CDKL3: variants seen among roughly 807,000 people sequenced by gnomAD.
CDKL3 encodes cyclin-dependent kinase-like 3.
Under a neutral mutation model 69.3 loss-of-function variants are expected in CDKL3, and 65 were observed. The ratio of observed to expected loss-of-function variants is 0.94; its 90% CI spans 0.77 to 1.15. The LOEUF is 1.15. Ranked by LOEUF, CDKL3 falls within the 50% of genes most tolerant of loss-of-function variation. The pLI, the probability that CDKL3 is intolerant of heterozygous loss-of-function variation, is 0.00. For synonymous variants in CDKL3, 202 were observed against 221.6 expected (o/e 0.91, Z 0.79); for missense variants, 652 against 689.2 (o/e 0.95, Z 0.61).
chr5:134,371,559 T>G, upstream of CDKL3: 1 of 1,608,296 alleles, frequency 6.2e-7, no homozygotes, highest in Non-Finnish European at 8.5e-7. Flanking sequence ...CGCGGGACTT[T>G]TTTTTTTTCA....
chr5:134,324,864 T>C (rs1773733833), intron 4 of CDKL3, among the ~76,000 whole-genome samples: 1 of 152,220 alleles, frequency 6.6e-6, no homozygotes, highest in African/African-American at 2.4e-5. Flanking sequence ...TCAATATTGG[T>C]ACATCAATTG....
intron 2 of CDKL3, among the ~76,000 whole-genome samples, chr5:134,365,994 T>C (rs1270073013): frequency 6.6e-6 from 1 of 152,224 alleles, no homozygotes; most frequent in Non-Finnish European, 1.5e-5. Context: ...TTATTCAGTA[T>C]GATTTTCATA....
intron 5 of CDKL3, among the ~76,000 whole-genome samples, chr5:134,321,395 GTAAA>G (rs1772751967): frequency 6.6e-6 from 1 of 152,110 alleles, no homozygotes; most frequent in Non-Finnish European, 1.5e-5. Flanking sequence ...TGGTTTCTGA[GTAAA>G]TAATTACTTT....
chr5:134,302,571 T>C lies in CDKL3; in HGVS notation c.1719+19A>G, dbSNP rs182579995. On this transcript the variant is annotated intron_variant, in intron 12 of 12. Coordinates refer to ENST00000265334, the MANE Select transcript of CDKL3 (RefSeq NM_001113575.2). ...CTAAACAACATGCCTTAGTAAAAGC[T>C]ATATACAAAAAGAGTTACCTCTTGT... is the stretch of plus-strand genomic sequence containing the variant. The C allele has an allele frequency of 1.9e-5, 24 of 1,272,232 alleles. No individual in the cohort carries two copies. Among genetic ancestry groups the C allele is most frequent in the Non-Finnish European group, 2.7e-5 (24 of 880,972 alleles). 78.8% of individuals were successfully genotyped at this position (1,272,232 alleles called of 1,614,324 possible). A position where few individuals can be genotyped will look rare whatever the true frequency, so the allele number is the denominator to read the frequency against.
At chr5:134,319,079 G>T in intron 6 of CDKL3, 1 of 216,804 alleles carries the variant, frequency 4.6e-6, no homozygotes, top group Non-Finnish European at 9.0e-6. Context: ...CCAGCACTTT[G>T]GGAGGCCGAG....
intron 7 of CDKL3, among the ~76,000 whole-genome samples, chr5:134,310,998 A>G (rs1323247949): frequency 1.3e-5 from 2 of 152,236 alleles, no homozygotes; most frequent in Non-Finnish European, 2.9e-5. Flanking sequence ...AGACAAGCTG[A>G]ATGGTTTTAC....
intron 4 of CDKL3, among the ~76,000 whole-genome samples, chr5:134,340,797 T>A (rs1384138751): frequency 6.6e-6 from 1 of 152,178 alleles, no homozygotes; most frequent in Admixed American, 6.5e-5. Context: ...GAAGAATTAA[T>A]ACCAAGTCTT....
chr5:134,350,801 G>GGGA (rs1249750633), intron 3 of CDKL3, among the ~76,000 whole-genome samples: 7 of 138,916 alleles, frequency 5.0e-5, no homozygotes, highest in Non-Finnish European at 7.6e-5. Flanking sequence ...GTAACAGAGT[G>GGGA]AGACCCTGTC....
chr5:134,371,119 G>A (rs1758357806), upstream of CDKL3: 2 of 230,816 alleles, frequency 8.7e-6, no homozygotes, highest in Non-Finnish European at 1.7e-5. Context: ...ACAAGGCCGC[G>A]GGCAGTCACG....
At chr5:134,329,628 C>G (rs1327941450) in intron 4 of CDKL3, among the ~76,000 whole-genome samples, 1 of 151,640 alleles carries the variant, frequency 6.6e-6, no homozygotes, top group African/African-American at 2.4e-5. Context: ...CGCCACTACG[C>G]CCGGCTAATT....
intron 7 of CDKL3, among the ~76,000 whole-genome samples, chr5:134,311,877 C>T (rs1769620601): frequency 6.6e-6 from 1 of 152,188 alleles, no homozygotes; most frequent in African/African-American, 2.4e-5. Context: ...TCACTGCAAC[C>T]TCCACCTCTG....
At chr5:134,367,670 G>A (rs369609271), upstream of CDKL3, among the ~76,000 whole-genome samples, 167 of 152,220 alleles carry the variant, frequency 1.1e-3, no homozygotes, top group East Asian at 4.4e-3. Flanking sequence ...CACCGCCCCC[G>A]GTCAAGATGG....
At chr5:134,302,444 GA>G (rs1766582661) in intron 12 of CDKL3, 145 bp downstream of exon 12, 1 of 598,142 alleles carries the variant, frequency 1.7e-6, no homozygotes, top group Non-Finnish European at 2.9e-6. Flanking sequence ...GTTATTCTAG[GA>G]AAATATAGAT....
At chr5:134,304,334 G>A (rs1767167412) in intron 11 of CDKL3, 71 bp downstream of exon 11, 1 of 1,227,762 alleles carries the variant, frequency 8.1e-7, no homozygotes, top group Non-Finnish European at 1.1e-6. Flanking sequence ...ACTATAAAAT[G>A]TAAGTTATAT....
In CDKL3 at chr5:134,321,790, C is replaced by A. The variant is rs1201433845; in HGVS notation, c.652+1G>T. On this transcript the variant is annotated splice_donor_variant, in intron 5 of 12. Coordinates refer to ENST00000265334, the MANE Select transcript of CDKL3 (RefSeq NM_001113575.2). LOFTEE classifies it high-confidence loss of function. ...ACTCATGTTATTTCAGTAATACCTACCCACTTTCAAAACAATTTTATGGAG... is the reference window on the plus strand; with the variant it reads ...ACTCATGTTATTTCAGTAATACCTAACCACTTTCAAAACAATTTTATGGAG... 6.8e-7 allele frequency: 1 copy of A among 1,475,708 alleles called. No individual in the cohort carries two copies. The highest frequency in any genetic ancestry group is 9.5e-7 in the Non-Finnish European group (1 of 1,057,082). The allele number at this position is 1,475,708 out of a possible 1,614,324, so 91.4% of individuals were successfully genotyped here.
chr5:134,360,208 C>G, intron 2 of CDKL3, 117 bp from the exon 3 acceptor site: 1 of 757,018 alleles, frequency 1.3e-6, no homozygotes, highest in South Asian at 2.0e-5. Context: ...CCATGCATTT[C>G]TTTTTTCTTT....
intron 3 of CDKL3, among the ~76,000 whole-genome samples, chr5:134,358,923 TA>T (rs1755290236): frequency 6.6e-6 from 1 of 152,188 alleles, no homozygotes; most frequent in African/African-American, 2.4e-5. Flanking sequence ...CTACCAGCAC[TA>T]TCTACTGAGC....
intron 2 of CDKL3, among the ~76,000 whole-genome samples, chr5:134,365,712 C>G (rs1436493872): frequency 1.3e-5 from 2 of 152,200 alleles, no homozygotes; most frequent in African/African-American, 2.4e-5. Flanking sequence ...ATTTACTGTT[C>G]TAATATACCT....
chr5:134,284,013 T>C (rs1764741318), downstream of CDKL3, among the ~76,000 whole-genome samples: 1 of 152,090 alleles, frequency 6.6e-6, no homozygotes, highest in Admixed American at 6.5e-5. Flanking sequence ...CAGGTCACAC[T>C]AATGCAAGAG....
Sources: gnomAD v4.1 joint callset for allele counts (sites outside exome capture counted in the v4.1 genomes callset) on GRCh38, gnomAD v4.1.1 for gene constraint, MANE v1.5 for transcripts, NCBI Gene and HGNC (gene_info 2026-07-23, HGNC 2026-07-21) for gene names.